Variants in ANKHD1 observed in about 807,000 individuals in gnomAD.
The protein encoded by ANKHD1 is ankyrin repeat and KH domain-containing protein 1.
A neutral mutation model predicts 230.5 loss-of-function variants in ANKHD1; 31 were observed. The observed-to-expected ratio is 0.13, with a 90% CI of 0.10 to 0.18. The LOEUF is 0.18. Among genes scored for constraint, ANKHD1 ranks in the 10% least tolerant of loss-of-function variants. ANKHD1 has a pLI of 1.00. For missense variants in ANKHD1, 2,256 were observed against 3,071.3 expected (o/e 0.73, Z 6.27); for synonymous variants, 1,074 against 1,117.6 (o/e 0.96, Z 0.78).
chr5:140,483,187 G>A (rs375565725), intron 11 of ANKHD1, among the ~76,000 whole-genome samples: 1 of 152,122 alleles, frequency 6.6e-6, no homozygotes, highest in East Asian at 1.9e-4. Context: ...ATAAAATGCT[G>A]TAGAACCAAT....
chr5:140,506,798 T>A lies in ANKHD1; in HGVS notation c.3409-37T>A, dbSNP rs1033983043. On this transcript the variant is annotated intron_variant, in intron 18 of 33. Coordinates refer to ENST00000360839, the MANE Select transcript of ANKHD1 (RefSeq NM_017747.3). The surrounding 1 kb of genome is among the most constrained non-coding windows in gnomAD (Gnocchi z 4.7). ...CCTTCATTATAAGTTGAGCCCTTGG[T>A]GTAAACTCTCTTCTCTATCCATATT... 3 of 1,610,234 alleles carry A rather than the reference T, an allele frequency of 1.9e-6. No homozygotes were observed. Among genetic ancestry groups the A allele is most frequent in the Non-Finnish European group, 2.5e-6 (3 of 1,179,112 alleles).
At chr5:140,470,792 T>G (rs1776438357) in intron 10 of ANKHD1, among the ~76,000 whole-genome samples, 1 of 151,858 alleles carries the variant, frequency 6.6e-6, no homozygotes, top group Non-Finnish European at 1.5e-5. Context: ...CAGCTAATTT[T>G]TTATTTTTAT....
intron 1 of ANKHD1, among the ~76,000 whole-genome samples, chr5:140,419,257 A>G (rs1233110526): frequency 1.3e-5 from 2 of 150,996 alleles, no homozygotes; most frequent in Non-Finnish European, 2.9e-5. Flanking sequence ...CTTATTGGTC[A>G]TATGTATATC....
At position 140,539,426 on chromosome 5, in the gene ANKHD1, G is replaced by C. The variant is rs569318314; in HGVS notation, c.*8G>C. 6.2e-7 allele frequency: 1 copy of C among 1,613,158 alleles called. No individual in the cohort carries two copies. Among genetic ancestry groups the C allele is most frequent in the Non-Finnish European group, 8.5e-7 (1 of 1,179,564 alleles). On this transcript the variant is annotated 3_prime_UTR_variant, in exon 34 of 34. Transcript: ENST00000360839. ...CTCAAATATGTCAACTAAGTTAGAA[G>C]GTCTTTACTCTTTAGCCTTGTTTAA...
chr5:140,476,514 G>T (rs1303762963), intron 10 of ANKHD1, among the ~76,000 whole-genome samples: 1 of 151,992 alleles, frequency 6.6e-6, no homozygotes, highest in Admixed American at 6.6e-5. Context: ...CTTCTCATCA[G>T]CAATAATAAA....
chr5:140,456,455 A>C (rs559868143), intron 7 of ANKHD1, among the ~76,000 whole-genome samples: 20 of 152,370 alleles, frequency 1.3e-4, no homozygotes, highest in East Asian at 5.8e-4. Context: ...ACCTGACTTC[A>C]AACTATACTA....
At chr5:140,442,093 G>A (rs183898950) in intron 5 of ANKHD1, among the ~76,000 whole-genome samples, 16 of 139,320 alleles carry the variant, frequency 1.1e-4, no homozygotes, top group Non-Finnish European at 1.8e-4. Context: ...AGGCTGGAGT[G>A]CAGTGGCACG....
At chr5:140,518,954 G>A (rs1185430191) in intron 24 of ANKHD1, among the ~76,000 whole-genome samples, 2 of 152,210 alleles carry the variant, frequency 1.3e-5, no homozygotes, top group East Asian at 3.9e-4. Context: ...GGCAGGAGAA[G>A]GAAATAAAGG....
intron 29 of ANKHD1, chr5:140,532,876 C>T: frequency 2.7e-6 from 1 of 364,944 alleles, no homozygotes; most frequent in Middle Eastern, 4.5e-4. Context: ...TTGGGTGGAT[C>T]ACTTGAAGTC....
At chr5:140,438,861 G>A (rs1345633298) in intron 3 of ANKHD1, among the ~76,000 whole-genome samples, 1 of 152,204 alleles carries the variant, frequency 6.6e-6, no homozygotes, top group Non-Finnish European at 1.5e-5. Context: ...GAGTCTCTGA[G>A]AAATCCAAAC....
In ANKHD1 at chr5:140,485,057, A is replaced by T; in HGVS notation, c.1871-64A>T. On this transcript the variant is annotated intron_variant, in intron 11 of 33. Coordinates refer to ENST00000360839, the MANE Select transcript of ANKHD1 (RefSeq NM_017747.3). The surrounding 1 kb of genome is among the most constrained non-coding windows in gnomAD (Gnocchi z 4.8). ...ATACTTCACAAAAAATTTTTAAATG[A>T]TATTGACTATGAACTAGCTTGATGT... 1 of 1,530,890 alleles carries T rather than the reference A, an allele frequency of 6.5e-7. No individual in the cohort carries two copies. Among genetic ancestry groups the T allele is most frequent in the Middle Eastern group, 1.8e-4 (1 of 5,632 alleles). The allele number at this position is 1,530,890 out of a possible 1,614,324, so 94.8% of individuals were successfully genotyped here.
chr5:140,490,464 G>A (rs1751723100), intron 14 of ANKHD1, among the ~76,000 whole-genome samples: 1 of 152,104 alleles, frequency 6.6e-6, no homozygotes, highest in South Asian at 2.1e-4. Flanking sequence ...GATCTCACTT[G>A]TCTGTTGGTT....
At chr5:140,514,302 C>T (rs1752889627) in intron 24 of ANKHD1, among the ~76,000 whole-genome samples, 3 of 151,914 alleles carry the variant, frequency 2.0e-5, no homozygotes, top group African/African-American at 7.3e-5. Context: ...TGAGACCAGC[C>T]TGGGCAACAT....
At chr5:140,505,580 G>A (rs1752502326) in intron 17 of ANKHD1, 144 bp from the exon 18 acceptor site, 4 of 1,249,074 alleles carry the variant, frequency 3.2e-6, no homozygotes, top group Non-Finnish European at 4.2e-6. Context: ...AACAAATTAG[G>A]GTTTAGAGCA....
chr5:140,429,557 A>T (rs981300964), intron 1 of ANKHD1, among the ~76,000 whole-genome samples: 3 of 152,196 alleles, frequency 2.0e-5, no homozygotes, highest in African/African-American at 7.2e-5. Context: ...TATATTTAAG[A>T]GCTTGGCTGG....
At chr5:140,443,859 C>G (rs1476748157) in intron 5 of ANKHD1, among the ~76,000 whole-genome samples, 2 of 152,042 alleles carry the variant, frequency 1.3e-5, no homozygotes, top group African/African-American at 4.8e-5. Context: ...TAATATTACA[C>G]AGATAAAAGA....
At chr5:140,489,937 A>G (rs2127025191) in intron 14 of ANKHD1, among the ~76,000 whole-genome samples, 1 of 152,350 alleles carries the variant, frequency 6.6e-6, no homozygotes, top group South Asian at 2.1e-4. Flanking sequence ...ATCATAGAAT[A>G]TTATGTTGCT....
At chr5:140,486,085 G>A (rs1751488741) in intron 13 of ANKHD1, 1 of 240,846 alleles carries the variant, frequency 4.2e-6, no homozygotes, top group South Asian at 5.0e-5. Flanking sequence ...TTTTTTTTGA[G>A]ATGGAGTCTT....
Position 140,440,242 on chromosome 5 carries a change from A to G in ANKHD1, c.741A>G (p.Ser247=). The part of the protein sequence containing the change: ...EGESLLCLAC[S]AGYYELAQVL... ...AAAGCCTGCTGTGTTTGGCTTGTTC[A>G]GCAGGGTATTATGAATTAGCACAAG... Residue 247 remains serine, a synonymous_variant, in exon 4 of 34, where the codon TCA becomes TCG. Coordinates refer to ENST00000360839, the MANE Select transcript of ANKHD1 (RefSeq NM_017747.3). 6.2e-7 allele frequency: 1 copy of G among 1,612,548 alleles called. No homozygotes were observed. The highest frequency in any genetic ancestry group is 8.5e-7 in the Non-Finnish European group (1 of 1,179,150).
Sources: allele counts gnomAD v4.1 joint callset (sites outside exome capture counted in the v4.1 genomes callset), GRCh38; gene constraint gnomAD v4.1.1; non-coding constraint Gnocchi (gnomAD v3.1); transcripts MANE v1.5; gene names NCBI Gene and HGNC (gene_info 2026-07-23, HGNC 2026-07-21).